Variants in BANK1 observed in about 807,000 individuals in gnomAD.
The protein encoded by BANK1 is B cell scaffold protein with ankyrin repeats 1, also known as B-cell scaffold protein with ankyrin repeats.
A neutral mutation model predicts 94.5 loss-of-function variants in BANK1; 95 were observed. The observed-to-expected ratio is 1.00, with a 90% confidence interval of 0.85 to 1.19. The LOEUF (loss-of-function observed/expected upper bound fraction) is 1.19. BANK1 is among the 50% of genes most tolerant of loss of function. The pLI is 0.00. For synonymous variants in BANK1, 334 were observed against 308.4 expected (o/e 1.08, Z -0.87); for missense variants, 987 against 932.2 (o/e 1.06, Z -0.77).
intron 7 of BANK1, among the ~76,000 whole-genome samples, chr4:101,982,813 G>A (rs138502684): frequency 1.1e-4 from 16 of 151,442 alleles, no homozygotes; most frequent in African/African-American, 2.7e-4. Flanking sequence ...TAAAAATGCC[G>A]CCCAACCAAT....
intron 7 of BANK1, among the ~76,000 whole-genome samples, chr4:101,920,060 A>G (rs1722950425): frequency 6.6e-6 from 1 of 151,962 alleles, no homozygotes; most frequent in Admixed American, 6.6e-5. Flanking sequence ...CTAGATAACC[A>G]TATGTTGACA....
At chr4:101,796,731 A>G (rs1725168516) in intron 1 of BANK1, among the ~76,000 whole-genome samples, 3 of 152,288 alleles carry the variant, frequency 2.0e-5, no homozygotes, top group South Asian at 4.1e-4. Flanking sequence ...ACGTTTTCCC[A>G]TGTTTTGTTA....
intron 11 of BANK1, among the ~76,000 whole-genome samples, chr4:102,058,509 T>C (rs780371638): frequency 7.2e-5 from 11 of 152,192 alleles, no homozygotes; most frequent in Non-Finnish European, 1.6e-4. Flanking sequence ...ATTACTTCTT[T>C]TTACCCATCA....
At chr4:101,855,281 G>C in intron 3 of BANK1, 92 bp downstream of exon 3, 1 of 1,319,792 alleles carries the variant, frequency 7.6e-7, no homozygotes, top group Non-Finnish European at 1.0e-6. Flanking sequence ...GTCTCATTAG[G>C]TTGCCCAGGC....
chr4:102,059,662 T>C (rs995086272), intron 11 of BANK1, among the ~76,000 whole-genome samples: 4 of 152,196 alleles, frequency 2.6e-5, no homozygotes, highest in Non-Finnish European at 4.4e-5. Flanking sequence ...AAATAAACTC[T>C]TTTGAAAAGG....
chr4:101,892,040 C>T (rs1006664886), intron 5 of BANK1, among the ~76,000 whole-genome samples: 6 of 151,672 alleles, frequency 4.0e-5, no homozygotes, highest in African/African-American at 9.7e-5. Flanking sequence ...AATCAATTTG[C>T]GATCGTCCAG....
At chr4:102,025,646 T>C in intron 9 of BANK1, 137 bp downstream of exon 9, 1 of 810,408 alleles carries the variant, frequency 1.2e-6, no homozygotes, top group Non-Finnish European at 1.9e-6. Flanking sequence ...TCCTATTCTT[T>C]AAAAACTAAG....
At chr4:101,975,686 T>C (rs898540740) in intron 7 of BANK1, among the ~76,000 whole-genome samples, 1 of 152,214 alleles carries the variant, frequency 6.6e-6, no homozygotes, top group Non-Finnish European at 1.5e-5. Context: ...CAATGTTAGC[T>C]GGAATTATTA....
chr4:101,908,690 G>A (rs1029122446), intron 6 of BANK1, among the ~76,000 whole-genome samples: 6 of 152,030 alleles, frequency 3.9e-5, no homozygotes, highest in African/African-American at 1.2e-4. Context: ...AATCTACAAT[G>A]AACTCAAACA....
chr4:102,036,602 G>A (rs1727520981), intron 10 of BANK1: 1 of 152,214 alleles, frequency 6.6e-6, no homozygotes, highest in Non-Finnish European at 1.5e-5. Context: ...TCATGTTCCT[G>A]TTTTTCTCCC....
intron 7 of BANK1, among the ~76,000 whole-genome samples, chr4:101,995,816 T>C (rs1291881726): frequency 6.6e-6 from 1 of 152,210 alleles, no homozygotes. Context: ...TTTAAATTTG[T>C]TTAAGTTCCT....
chr4:101,860,765 T>G (rs1318838774), intron 3 of BANK1, among the ~76,000 whole-genome samples: 3 of 152,068 alleles, frequency 2.0e-5, no homozygotes, highest in Non-Finnish European at 2.9e-5. Context: ...GAAGCAGTCA[T>G]GAGTTGGGAG....
At chr4:101,985,150 G>T (rs1251444958) in intron 7 of BANK1, among the ~76,000 whole-genome samples, 1 of 152,126 alleles carries the variant, frequency 6.6e-6, no homozygotes, top group African/African-American at 2.4e-5. Context: ...AACCAGGAGA[G>T]CCAATGGTGT....
chr4:101,957,159 C>T (rs1724376785), intron 7 of BANK1, among the ~76,000 whole-genome samples: 1 of 152,092 alleles, frequency 6.6e-6, no homozygotes, highest in Non-Finnish European at 1.5e-5. Flanking sequence ...AATGCCTTTG[C>T]TGATCTAACC....
Position 102,030,060 on chromosome 4 carries a change from A to G in BANK1, c.1695A>G (p.Lys565=), listed in dbSNP as rs1366115666. The G allele has an allele frequency of 6.2e-7, 1 of 1,613,784 alleles. No individual in the cohort carries two copies. The highest frequency in any genetic ancestry group is 8.5e-7 in the Non-Finnish European group (1 of 1,179,860). The change falls in exon 10 of 17, where the codon AAA becomes AAG. Residue 565 remains lysine (K), a synonymous_variant. Coordinates refer to ENST00000322953, the MANE Select transcript of BANK1 (RefSeq NM_017935.5). ...AACCCAAAGGAGAAAAAGAGAAGAA[A>G]GAAGAGGAAAAAGAGCAGGAGGAGG... ...GDEPKGEKEK[K]EEEKEQEEEE...
intron 7 of BANK1, among the ~76,000 whole-genome samples, chr4:101,990,429 G>T (rs1337010632): frequency 6.6e-6 from 1 of 152,138 alleles, no homozygotes; most frequent in Non-Finnish European, 1.5e-5. Context: ...TGACTTCCAA[G>T]ATACCTTCCT....
chr4:102,052,489 GT>G (rs141924391), intron 11 of BANK1, among the ~76,000 whole-genome samples: 1 of 151,796 alleles, frequency 6.6e-6, no homozygotes, highest in African/African-American at 2.4e-5. Context: ...GGGAAGGAGA[GT>G]TTTTTTTGTA....
At chr4:101,988,614 A>G (rs909012479) in intron 7 of BANK1, among the ~76,000 whole-genome samples, 1 of 152,226 alleles carries the variant, frequency 6.6e-6, no homozygotes, top group Admixed American at 6.5e-5. Context: ...TATAGAGGTT[A>G]CAGATAATAT....
chr4:101,936,276 T>C (rs774133854), intron 7 of BANK1, among the ~76,000 whole-genome samples: 4 of 150,314 alleles, frequency 2.7e-5, no homozygotes, highest in South Asian at 2.1e-4. Flanking sequence ...TGCATACATG[T>C]ATATGTACAC....
Sources: gnomAD v4.1 joint callset for allele counts (sites outside exome capture counted in the v4.1 genomes callset) on GRCh38, gnomAD v4.1.1 for gene constraint, MANE v1.5 for transcripts, NCBI Gene and HGNC (gene_info 2026-07-23, HGNC 2026-07-21) for gene names.